The following TNFAIP8 variants were observed in gnomAD, a reference collection of about 807,000 sequenced individuals.
The protein encoded by TNFAIP8 is tumor necrosis factor alpha-induced protein 8.
TNFAIP8 carries 7 observed loss-of-function variants against 13.3 expected under a neutral mutation model. That is an observed-to-expected ratio of 0.52 (90% CI 0.30 to 0.99). The LOEUF (loss-of-function observed/expected upper bound fraction) is 0.99, where lower values mean the gene tolerates loss of function less well. Ranked by LOEUF, TNFAIP8 falls within the 50% of genes least tolerant of loss-of-function variation. TNFAIP8 has a pLI of 0.07. For missense variants in TNFAIP8, 258 were observed against 236.9 expected, an observed-to-expected ratio of 1.09 and a Z score of -0.58; for synonymous variants, 94 against 87.6, an observed-to-expected ratio of 1.07 and a Z score of -0.41.
chr5:119,354,095 C>T (rs1398208940), upstream of TNFAIP8, among the ~76,000 whole-genome samples: 6 of 152,192 alleles, frequency 3.9e-5, no homozygotes, highest in Non-Finnish European at 8.8e-5. Flanking sequence ...GGTGAGGGAG[C>T]ATTTCTTTGG....
upstream of TNFAIP8, among the ~76,000 whole-genome samples, chr5:119,351,939 G>A (rs982945271): frequency 1.3e-5 from 2 of 151,892 alleles, no homozygotes; most frequent in Non-Finnish European, 2.9e-5. Context: ...ACAGGAGCCT[G>A]CCACTGTGCT....
At chr5:119,300,441 C>G (rs1196845784) in intron 1 of TNFAIP8, among the ~76,000 whole-genome samples, 1 of 152,166 alleles carries the variant, frequency 6.6e-6, no homozygotes, top group East Asian at 1.9e-4. Flanking sequence ...CCATCTAAAA[C>G]AAATGTTATT....
chr5:119,355,428 C>G (rs1245936856), upstream of TNFAIP8: 2 of 699,154 alleles, frequency 2.9e-6, no homozygotes, highest in Admixed American at 4.0e-5. Context: ...CTTCAAAAGG[C>G]CCCGCTCTGG....
At chr5:119,368,066 C>G (rs560899975) in intron 1 of TNFAIP8, among the ~76,000 whole-genome samples, 4 of 152,174 alleles carry the variant, frequency 2.6e-5, no homozygotes, top group African/African-American at 4.8e-5. Flanking sequence ...TGTTTCCCTG[C>G]CTGTAAAGCA....
intron 1 of TNFAIP8, among the ~76,000 whole-genome samples, chr5:119,316,587 TTG>T (rs1749902684): frequency 6.6e-6 from 1 of 152,198 alleles, no homozygotes; most frequent in Admixed American, 6.5e-5. Context: ...CTTGATGGTA[TTG>T]ATAAACTCTA....
chr5:119,285,301 C>A (rs555811732), intron 1 of TNFAIP8, among the ~76,000 whole-genome samples: 31 of 152,276 alleles, frequency 2.0e-4, no homozygotes, highest in Admixed American at 1.8e-3. Flanking sequence ...ATTCTGTATT[C>A]TGATAATTGT....
At chr5:119,372,136 C>CA (rs762344189) in intron 1 of TNFAIP8, among the ~76,000 whole-genome samples, 2,994 of 126,170 alleles carry the variant, frequency 0.024, 46 homozygotes, top group African/African-American at 0.051. Flanking sequence ...GACTCCATCT[C>CA]AAAAAAAAAA....
chr5:119,383,259 T>C (rs1752553246), intron 1 of TNFAIP8, among the ~76,000 whole-genome samples: 1 of 152,242 alleles, frequency 6.6e-6, no homozygotes, highest in Admixed American at 6.5e-5. Context: ...CTTTCTTATT[T>C]AGTCATAAAT....
At chr5:119,305,537 G>A (rs1330329825) in intron 1 of TNFAIP8, among the ~76,000 whole-genome samples, 1 of 135,528 alleles carries the variant, frequency 7.4e-6, no homozygotes, top group Non-Finnish European at 1.5e-5. Context: ...CAAGGCTGTA[G>A]TGCACTTGAT....
chr5:119,342,223 G>C (rs1750761127), intron 1 of TNFAIP8, among the ~76,000 whole-genome samples: 1 of 152,200 alleles, frequency 6.6e-6, no homozygotes, highest in Non-Finnish European at 1.5e-5. Flanking sequence ...ACTGCTAAGA[G>C]CATAATCTGG....
At chr5:119,375,488 T>G (rs1302884861) in intron 1 of TNFAIP8, among the ~76,000 whole-genome samples, 1 of 152,220 alleles carries the variant, frequency 6.6e-6, no homozygotes, top group Non-Finnish European at 1.5e-5. Context: ...CTTGCCAAAG[T>G]TTATTTTACC....
intron 1 of TNFAIP8, among the ~76,000 whole-genome samples, chr5:119,331,627 T>C (rs934737977): frequency 1.3e-5 from 2 of 152,180 alleles, no homozygotes; most frequent in African/African-American, 4.8e-5. Context: ...TGCTGGTGCC[T>C]CCCCGACTGG....
chr5:119,383,662 T>A (rs1400125143), intron 1 of TNFAIP8, among the ~76,000 whole-genome samples: 1 of 152,202 alleles, frequency 6.6e-6, no homozygotes, highest in Non-Finnish European at 1.5e-5. Context: ...ATGTATTTGC[T>A]TAGTTATGCA....
At chr5:119,355,087 T>G (rs1361578241), upstream of TNFAIP8, 3 of 525,152 alleles carry the variant, frequency 5.7e-6, no homozygotes, top group Non-Finnish European at 1.0e-5. Flanking sequence ...CTAAGGGGAC[T>G]TCCTCTCAGC....
intron 1 of TNFAIP8, among the ~76,000 whole-genome samples, chr5:119,331,539 GTTT>G (rs1750380364): frequency 6.6e-6 from 1 of 152,188 alleles, no homozygotes; most frequent in Non-Finnish European, 1.5e-5. Context: ...AAAACCAGGA[GTTT>G]CCTGCTGGGT....
At position 119,292,535 on chromosome 5, in the gene TNFAIP8, A is replaced by G. The variant is rs1205318332; in HGVS notation, c.1+23628A>G. On this transcript the variant is annotated intron_variant, in intron 1 of 1. Coordinates refer to the TNFAIP8 transcript ENST00000274456. Reference sequence around the variant, plus strand: ...GATGTCTACCCCAAAAAATGAAAACATGTCCATACAAATACTTATAAGCAA... The same window carrying G: ...GATGTCTACCCCAAAAAATGAAAACGTGTCCATACAAATACTTATAAGCAA... 2.7e-5 allele frequency among the ~76,000 whole-genome samples: 4 copies of G among 150,718 alleles called. No individual in the cohort carries two copies. The East Asian group carries it at 5.8e-4, about 22-fold the overall frequency.
At chr5:119,297,133 C>G (rs1330932268) in intron 1 of TNFAIP8, among the ~76,000 whole-genome samples, 1 of 152,134 alleles carries the variant, frequency 6.6e-6, no homozygotes, top group Non-Finnish European at 1.5e-5. Context: ...TTAGTTATGT[C>G]TTGCCTTCTG....
At chr5:119,349,195 C>A (rs950358538) in intron 1 of TNFAIP8, among the ~76,000 whole-genome samples, 1 of 152,190 alleles carries the variant, frequency 6.6e-6, no homozygotes, top group Admixed American at 6.5e-5. Context: ...ATTAAATTGC[C>A]ACACCTATCT....
At chr5:119,277,123 T>C (rs1300712291) in intron 1 of TNFAIP8, among the ~76,000 whole-genome samples, 1 of 152,240 alleles carries the variant, frequency 6.6e-6, no homozygotes, top group Admixed American at 6.5e-5. Flanking sequence ...AAATATCTTG[T>C]ATACTGCACT....
Sources: allele counts gnomAD v4.1 joint callset (sites outside exome capture counted in the v4.1 genomes callset), GRCh38; gene constraint gnomAD v4.1.1; transcripts MANE v1.5; gene names NCBI Gene and HGNC (gene_info 2026-07-23, HGNC 2026-07-21).